TTN: variants seen among roughly 807,000 people sequenced by gnomAD.
TTN encodes the protein titin, also known as connectin.
Under a neutral mutation model 3,223.0 loss-of-function variants are expected in TTN, and 1,525 were observed. The ratio of observed to expected loss-of-function variants is 0.47; its 90% CI spans 0.45 to 0.49. The LOEUF (loss-of-function observed/expected upper bound fraction) is 0.49. Among genes scored for constraint, TTN ranks in the 20% least tolerant of loss-of-function variants. The probability of loss-of-function intolerance (pLI) is 0.00; values close to 1 mark genes in which losing one functional copy is unlikely to be tolerated. For synonymous variants in TTN, 14,094 were observed against 15,161.0 expected (o/e 0.93, Z 5.17); for missense variants, 40,786 against 43,424.0 (o/e 0.94, Z 5.40).
rs763050858 is a variant in TTN, at chr2:178,553,946, G to T, written c.89165C>A (p.Pro29722Gln). The T allele has an allele frequency of 6.2e-7, 1 of 1,605,992 alleles. No individual in the cohort carries two copies. The highest frequency in any genetic ancestry group is 1.1e-5 in the South Asian group (1 of 90,224). Residue 29722 changes from proline (P) to glutamine (Q), a missense_variant, in exon 333 of 363, where the codon CCA (proline) becomes CAA (glutamine). By Grantham distance (76) the Pro-to-Gln change is moderately conservative (BLOSUM62 -1). Transcript: ENST00000589042. The stretch of plus-strand genomic sequence containing the variant: ...ATCAGCAGCTTTGTAGAATTCAGAT[G>T]GTTCAGAAAATGGACCCTGTCCAGC... ...NAAGQGPFSE[P>Q]SEFYKAADPI...
Position 178,586,685 on chromosome 2 carries a change from T to G in TTN, c.64216A>C (p.Arg21406=). 1 of 1,613,210 alleles carries G rather than the reference T, an allele frequency of 6.2e-7. No individual in the cohort carries two copies. Among genetic ancestry groups the G allele is most frequent in the Non-Finnish European group, 8.5e-7 (1 of 1,179,400 alleles). ...CGATCTGCAGGCTGCTCTTCTTCTCTGTAACTAGTGATGTAGCCATCGATT... is the reference window on the plus strand; with the variant it reads ...CGATCTGCAGGCTGCTCTTCTTCTCGGTAACTAGTGATGTAGCCATCGATT... ...AKIDGYITSY[R]EEEQPADRWT... Residue 21406 remains arginine (R), a synonymous_variant, in exon 308 of 363, where the codon AGA becomes CGA. Coordinates refer to ENST00000589042, the MANE Select transcript of TTN (RefSeq NM_001267550.2).
rs766846103 is a variant in TTN at position 178,568,091 on chromosome 2, G to A, written c.78041C>T (p.Pro26014Leu). 7.4e-6 allele frequency: 12 copies of A among 1,613,364 alleles called. No individual in the cohort carries two copies. The highest frequency in any genetic ancestry group is 8.5e-6 in the Non-Finnish European group (10 of 1,179,578). The change falls in exon 326 of 363, where the codon CCA becomes CTA. Residue 26014 changes from proline to leucine, a missense_variant. Pro to Leu is a moderately conservative substitution (Grantham distance 98). Transcript: ENST00000589042. Reference protein sequence around the residue: ...KDSMVIQWHEPVNNGGSPVIG... With the variant: ...KDSMVIQWHELVNNGGSPVIG... ...GACGGGGCTTCCACCATTGTTGACT[G>A]GTTCATGCCACTGTATGACCATGGA... is the stretch of plus-strand genomic sequence containing the variant.
chr2:178,615,696 AC>A lies in TTN; in HGVS notation c.48404del (p.Cys16135LeufsTer13). On this transcript the variant is annotated frameshift_variant, in exon 258 of 363. Transcript: ENST00000589042. LOFTEE classifies it high-confidence loss of function. ...YLFKVCARNK[C>X]GPGEPAYVDE... ...CAACATATGCAGGTTCTCCAGGGCC[AC>A]ATTTGTTACGAGCACAAACTTTAAA... The A allele has an allele frequency of 1.2e-6, 2 of 1,612,564 alleles. No homozygotes were observed. Among genetic ancestry groups the A allele is most frequent in the Non-Finnish European group, 1.7e-6 (2 of 1,178,966 alleles).
Position 178,570,075 on chromosome 2 carries a change from T to C in TTN, c.76057A>G (p.Arg25353Gly). The change falls in exon 326 of 363, where the codon AGA becomes GGA. Residue 25353 changes from arginine (R) to glycine (G), a missense_variant. Physicochemically the swap from Arg to Gly is moderately radical, Grantham distance 125. Transcript: ENST00000589042. ...KRDKEGIRWT[R>G]CHKRLIGELR... ...TCTCCAATCAGACGCTTATGGCATC[T>C]TGTCCATCTAATGCCTTCTTTATCC... 6.2e-7 allele frequency: 1 copy of C among 1,613,444 alleles called. No individual in the cohort carries two copies. The highest frequency in any genetic ancestry group is 8.5e-7 in the Non-Finnish European group (1 of 1,179,594).
At position 178,577,775 on chromosome 2, in the gene TTN, G is replaced by A. The variant is rs2046764979; in HGVS notation, c.68651C>T (p.Pro22884Leu). The A allele has an allele frequency of 6.2e-7, 1 of 1,613,098 alleles. No homozygotes were observed. Among genetic ancestry groups the A allele is most frequent in the Admixed American group, 1.7e-5 (1 of 59,968 alleles). Residue 22884 changes from proline to leucine, a missense_variant, in exon 323 of 363, where the codon CCT (proline) becomes CTT (leucine). By Grantham distance (98) the Pro-to-Leu change is moderately conservative. Coordinates refer to ENST00000589042, the MANE Select transcript of TTN (RefSeq NM_001267550.2). ...TGYIVEKRDL[P>L]SKSWMKANHV... ...GTTGGCTTTCATCCAAGACTTCGAA[G>A]GTAGATCTCGCTTCTCCACTATATA... is the stretch of plus-strand genomic sequence containing the variant.
chr2:178,561,368 G>A lies in TTN; in HGVS notation c.84764C>T (p.Pro28255Leu), dbSNP rs1703598147. Reference sequence around the variant, plus strand: ...ATTTGTGACTTCAGGTTGTCCAGGAGGGTCACAAGGATCTCTTGCAGGGAC... The same window carrying A: ...ATTTGTGACTTCAGGTTGTCCAGGAAGGTCACAAGGATCTCTTGCAGGGAC... The part of the protein sequence containing the change: ...EPVPARDPCD[P>L]PGQPEVTNIT... The change falls in exon 326 of 363, where the codon CCT (proline) becomes CTT (leucine). Residue 28255 changes from proline (P) to leucine (L), a missense_variant. Transcript: ENST00000589042. 1 of 1,613,760 alleles carries A rather than the reference G, an allele frequency of 6.2e-7. No individual in the cohort carries two copies. The highest frequency in any genetic ancestry group is 1.3e-5 in the African/African-American group (1 of 75,018).
Position 178,538,844 on chromosome 2 carries a change from A to C in TTN, c.98990-5T>G. On this transcript the variant is annotated splice_polypyrimidine_tract_variant and splice_region_variant and intron_variant, in intron 353 of 362. Transcript: ENST00000589042. Reference sequence around the variant, plus strand: ...CTCCTGGTTGGCTTGGTTTATCTGAAATATTTTAAAATAATGAAAAGGGAG... The same window carrying C: ...CTCCTGGTTGGCTTGGTTTATCTGACATATTTTAAAATAATGAAAAGGGAG... 1 of 1,592,232 alleles carries C rather than the reference A, an allele frequency of 6.3e-7. No homozygotes were observed. The highest frequency in any genetic ancestry group is 8.6e-7 in the Non-Finnish European group (1 of 1,169,450).
At position 178,566,660 on chromosome 2, in the gene TTN, G is replaced by C. The variant is rs2154165760; in HGVS notation, c.79472C>G (p.Pro26491Arg). 1 of 1,613,046 alleles carries C rather than the reference G, an allele frequency of 6.2e-7. No individual in the cohort carries two copies. The highest frequency in any genetic ancestry group is 2.2e-5 in the East Asian group (1 of 44,852). The change falls in exon 326 of 363, where the codon CCT (proline) becomes CGT (arginine). Residue 26491 changes from proline to arginine, a missense_variant. Coordinates refer to ENST00000589042, the MANE Select transcript of TTN (RefSeq NM_001267550.2). ...GGTGTCTACAATGTGTGCATTGGTA[G>C]GTGGGCCAGGTTTGAACACAGGATC... is the stretch of plus-strand genomic sequence containing the variant. ...ACDPVFKPGP[P>R]TNAHIVDTTK...
chr2:178,781,295 G>A, intron 20 of TTN, 32 bp from the exon 21 acceptor site: 1 of 1,612,320 alleles, frequency 6.2e-7, no homozygotes, highest in East Asian at 2.2e-5. Flanking sequence ...TTAAAAATCA[G>A]TTATCAACAA....
In TTN at chr2:178,562,637, T is replaced by A. The variant is rs746250521; in HGVS notation, c.83495A>T (p.Glu27832Val). The A allele has an allele frequency of 6.2e-7, 1 of 1,603,138 alleles. No homozygotes were observed. The highest frequency in any genetic ancestry group is 2.2e-5 in the East Asian group (1 of 44,764). The change falls in exon 326 of 363, where the codon GAA becomes GTA. Residue 27832 changes from glutamate to valine, a missense_variant. By Grantham distance (121) the Glu-to-Val change is moderately radical. Transcript: ENST00000589042. Reference protein sequence around the residue: ...KTTFRIENLQEGCSYYFRVLA... With the variant: ...KTTFRIENLQVGCSYYFRVLA... ...GACTCGGAAGTAGTAAGAACATCCT[T>A]CTTGTAGATTTTCAATTCTGAAAGT...
At position 178,740,268 on chromosome 2, in the gene TTN, A is replaced by G. The variant is rs750127383; in HGVS notation, c.12965T>C (p.Ile4322Thr). The part of the protein sequence containing the change: ...ENAGQDSAVR[I>T]EEGKSLRFPL... ...AAATCTTAAGGACTTGCCTTCCTCA[A>G]TTCTGACCGCAGAATCTTGCCCTGC... The change falls in exon 48 of 363, where the codon ATT becomes ACT. Residue 4322 changes from isoleucine (I) to threonine (T), a missense_variant. Coordinates refer to ENST00000589042, the MANE Select transcript of TTN (RefSeq NM_001267550.2). The G allele has an allele frequency of 4.3e-6, 7 of 1,613,610 alleles. No individual in the cohort carries two copies. In the South Asian group the frequency reaches 4.4e-5, roughly 10 times the overall value.
At position 178,604,180 on chromosome 2, in the gene TTN, A is replaced by T. The variant is rs1179203635; in HGVS notation, c.54507T>A (p.Pro18169=). The T allele has an allele frequency of 6.2e-7, 1 of 1,612,168 alleles. No homozygotes were observed. The highest frequency in any genetic ancestry group is 1.7e-5 in the Admixed American group (1 of 59,904). The change falls in exon 282 of 363, where the codon CCT becomes CCA. Residue 18169 remains proline, a synonymous_variant. Coordinates refer to ENST00000589042, the MANE Select transcript of TTN (RefSeq NM_001267550.2). ...VIQDPYRLPG[P]PGKPKVLART... ...GTGCCAAAACTTTTGGTTTTCCTGG[A>T]GGTCCAGGAAGGCGATAAGGATCTT...
At chr2:178,716,037 C>T (rs2077432551) in intron 88 of TTN, among the ~76,000 whole-genome samples, 1 of 152,066 alleles carries the variant, frequency 6.6e-6, no homozygotes, top group Non-Finnish European at 1.5e-5. Flanking sequence ...ATCCTCTCCC[C>T]AGCAAAAGAG....
chr2:178,800,143 A>G (rs576172019), intron 4 of TTN, among the ~76,000 whole-genome samples: 1 of 152,366 alleles, frequency 6.6e-6, no homozygotes, highest in South Asian at 2.1e-4. Context: ...ATTTGCCAAT[A>G]ATTTGGAAAT....
chr2:178,613,713 C>G (rs761275537), intron 263 of TTN, 38 bp downstream of exon 263: 1 of 1,591,558 alleles, frequency 6.3e-7, no homozygotes, highest in Non-Finnish European at 8.6e-7. Flanking sequence ...TTTGAATATA[C>G]TGCTGTCTTA....
In TTN at chr2:178,579,371, C is replaced by G; in HGVS notation, c.67659G>C (p.Lys22553Asn). ...DDVVAPDLDL[K>N]GLPDLCYLAK... ...CCAAGTAGCACAAATCAGGTAGACC[C>G]TTTAAGTCAAGATCAGGAGCCACTG... Residue 22553 changes from lysine (K) to asparagine (N), a missense_variant, in exon 320 of 363, where the codon AAG (lysine) becomes AAC (asparagine). Coordinates refer to ENST00000589042, the MANE Select transcript of TTN (RefSeq NM_001267550.2). 2.5e-6 allele frequency: 4 copies of G among 1,579,944 alleles called. No homozygotes were observed. Among genetic ancestry groups the G allele is most frequent in the Non-Finnish European group, 2.6e-6 (3 of 1,167,258 alleles).
chr2:178,680,479 T>C (rs1019931555), intron 138 of TTN, 148 bp from the exon 139 acceptor site: 2 of 697,624 alleles, frequency 2.9e-6, no homozygotes, highest in Non-Finnish European at 4.8e-6. Flanking sequence ...AACTATATAC[T>C]CTCTGTGGAA....
chr2:178,626,308 T>G (rs957139944), intron 240 of TTN, among the ~76,000 whole-genome samples: 5 of 152,124 alleles, frequency 3.3e-5, no homozygotes, highest in Middle Eastern at 3.4e-3. Flanking sequence ...CTCTTCTTCC[T>G]TTTTCATGTG....
rs397517524 is a variant in TTN, at chr2:178,712,037, T to G, written c.27793A>C (p.Asn9265His). 51 of 1,613,710 alleles carry G rather than the reference T, an allele frequency of 3.2e-5. No homozygotes were observed. Among genetic ancestry groups the G allele is most frequent in the African/African-American group, 1.3e-5 (1 of 74,932 alleles). The change falls in exon 96 of 363, where the codon AAC (asparagine) becomes CAC (histidine). Residue 9265 changes from asparagine (N) to histidine (H), a missense_variant. Physicochemically the swap from Asn to His is moderately conservative, Grantham distance 68. Coordinates refer to ENST00000589042, the MANE Select transcript of TTN (RefSeq NM_001267550.2). ...FRNNVATLVF[N>H]QVDINDSGEY... The stretch of plus-strand genomic sequence containing the variant: ...CCACTATCATTAATATCAACCTGGT[T>G]GAAAACCAGTGTAGCAACATTATTC...
Sources: allele counts gnomAD v4.1 joint callset (sites outside exome capture counted in the v4.1 genomes callset), GRCh38; gene constraint gnomAD v4.1.1; transcripts MANE v1.5; gene names NCBI Gene and HGNC (gene_info 2026-07-23, HGNC 2026-07-21).